AFF3: variants seen among roughly 807,000 people sequenced by gnomAD.
AFF3 encodes ALF transcription elongation factor 3.
Under a neutral mutation model 129.7 loss-of-function variants are expected in AFF3, and 32 were observed. The observed-to-expected ratio is 0.25, with a 90% CI of 0.19 to 0.33. The LOEUF (loss-of-function observed/expected upper bound fraction) is 0.33, where lower values mean the gene tolerates loss of function less well. Ranked by LOEUF, AFF3 falls within the 10% of genes least tolerant of loss-of-function variation. The probability of loss-of-function intolerance (pLI) is 1.00; values close to 1 mark genes in which losing one functional copy is unlikely to be tolerated. For synonymous variants in AFF3, 644 were observed against 635.4 expected (o/e 1.01, Z -0.20); for missense variants, 1,373 against 1,592.0 (o/e 0.86, Z 2.34).
chr2:99,989,030 T>A lies in AFF3; in HGVS notation c.873+17602A>T, dbSNP rs560769885. Among the ~76,000 whole-genome samples the A allele has an allele frequency of 6.6e-5, 10 of 152,264 alleles. No individual in the cohort carries two copies. In the South Asian group the frequency reaches 1.7e-3, roughly 25 times the overall value. On this transcript the variant is annotated intron_variant, in intron 7 of 24. Transcript: ENST00000672756. ...AAAGGAATTCACAACGGATTAGATA[T>A]GGAATGATGGGAGCAAACCAAAGAG...
At chr2:99,735,775 G>C (rs1255409376) in intron 10 of AFF3, among the ~76,000 whole-genome samples, 1 of 152,202 alleles carries the variant, frequency 6.6e-6, no homozygotes, top group Admixed American at 6.5e-5. Context: ...TTACAGGCGT[G>C]AGCCACTGCA....
chr2:99,885,411 G>A (rs1423462790), intron 7 of AFF3, among the ~76,000 whole-genome samples: 2 of 152,144 alleles, frequency 1.3e-5, no homozygotes, highest in African/African-American at 4.8e-5. Flanking sequence ...CCTGAGAGCA[G>A]GAATTGTGTT....
chr2:99,765,434 G>C (rs6542891), intron 8 of AFF3, among the ~76,000 whole-genome samples: 120,195 of 152,226 alleles, frequency 0.79, 47,790 homozygotes, highest in East Asian at 0.91. Flanking sequence ...GGGTAGAAGA[G>C]ATCGGGCTTG....
Position 99,644,355 on chromosome 2 carries a change from C to CT in AFF3, c.1184+5270dup, listed in dbSNP as rs962651703. 2.7e-4 allele frequency among the ~76,000 whole-genome samples: 40 copies of CT among 149,196 alleles called. 1 individual carries two copies. The highest frequency in any genetic ancestry group is 8.8e-4 in the African/African-American group (36 of 41,022). ...TTGGCTTTTTTGCTCGTTCCTCTCTCTTTTTTTTTAAGTCAAGCATAATTT... is the reference window on the plus strand; with the variant it reads ...TTGGCTTTTTTGCTCGTTCCTCTCTCTTTTTTTTTTAAGTCAAGCATAATTT... On this transcript the variant is annotated intron_variant, in intron 13 of 24. Transcript: ENST00000672756.
At chr2:100,000,044 A>G (rs1681235181) in intron 7 of AFF3, among the ~76,000 whole-genome samples, 1 of 152,090 alleles carries the variant, frequency 6.6e-6, no homozygotes, top group African/African-American at 2.4e-5. Flanking sequence ...CACCAGGGAG[A>G]CTCCATTTTC....
intron 7 of AFF3, among the ~76,000 whole-genome samples, chr2:99,964,327 A>AT (rs537243664): frequency 1.4e-4 from 21 of 152,296 alleles, no homozygotes; most frequent in Non-Finnish European, 2.8e-4. Context: ...CATGGAACGA[A>AT]TGTTCATCAT....
At chr2:99,910,579 C>A (rs1212918254) in intron 7 of AFF3, among the ~76,000 whole-genome samples, 1 of 152,184 alleles carries the variant, frequency 6.6e-6, no homozygotes, top group Non-Finnish European at 1.5e-5. Context: ...ATAGTGCAAA[C>A]AGGAATAACA....
At chr2:99,850,983 G>C (rs1690101119) in intron 7 of AFF3, among the ~76,000 whole-genome samples, 2 of 152,134 alleles carry the variant, frequency 1.3e-5, no homozygotes, top group Non-Finnish European at 2.9e-5. Context: ...ATTCAGTTCT[G>C]TATGCTTCTA....
intron 2 of AFF3, among the ~76,000 whole-genome samples, chr2:100,116,360 T>C (rs1285783792): frequency 1.3e-5 from 2 of 152,166 alleles, no homozygotes; most frequent in Non-Finnish European, 2.9e-5. Context: ...ATTACATTTA[T>C]ATTGGGCTGT....
intron 4 of AFF3, among the ~76,000 whole-genome samples, chr2:100,092,730 C>G (rs1203039567): frequency 1.3e-5 from 2 of 151,932 alleles, no homozygotes; most frequent in African/African-American, 2.4e-5. Context: ...CTGCCATATC[C>G]CTACCCCGCT....
intron 7 of AFF3, among the ~76,000 whole-genome samples, chr2:99,849,654 A>G (rs1477002740): frequency 6.6e-6 from 1 of 152,238 alleles, no homozygotes; most frequent in Non-Finnish European, 1.5e-5. Context: ...ATTTTATTTT[A>G]GAATTACATA....
intron 7 of AFF3, among the ~76,000 whole-genome samples, chr2:99,867,216 G>T (rs1246270551): frequency 6.6e-6 from 1 of 151,922 alleles, no homozygotes; most frequent in Non-Finnish European, 1.5e-5. Flanking sequence ...AAGACAAAAG[G>T]TGAGAAAATT....
chr2:99,892,279 CATTT>C (rs1693628359), intron 7 of AFF3, among the ~76,000 whole-genome samples: 1 of 152,146 alleles, frequency 6.6e-6, no homozygotes. Flanking sequence ...TTCATTGTTA[CATTT>C]AGTTTTCATT....
intron 7 of AFF3, among the ~76,000 whole-genome samples, chr2:99,937,904 T>C (rs1304728149): frequency 2.6e-5 from 4 of 152,232 alleles, no homozygotes; most frequent in Non-Finnish European, 5.9e-5. Flanking sequence ...CAGTCGTTGA[T>C]GTATTTCCAG....
In AFF3 at chr2:99,737,051, T is replaced by C. The variant is rs1198081768; in HGVS notation, c.1039+7053A>G. On this transcript the variant is annotated intron_variant, in intron 10 of 24. Coordinates refer to ENST00000672756, the MANE Select transcript of AFF3 (RefSeq NM_001386135.1). ...TTGTAAGATGTTCTCCACATTTAGT[T>C]TGTAGGTTAAATACCTTTTAGTATA... 1.3e-5 allele frequency among the ~76,000 whole-genome samples: 2 copies of C among 152,214 alleles called. 1 individual carries two copies. Among genetic ancestry groups the C allele is most frequent in the African/African-American group, 4.8e-5 (2 of 41,432 alleles).
At chr2:99,839,091 T>A (rs1453674808) in intron 7 of AFF3, among the ~76,000 whole-genome samples, 1 of 152,170 alleles carries the variant, frequency 6.6e-6, no homozygotes, top group Non-Finnish European at 1.5e-5. Flanking sequence ...CACACAGAGT[T>A]ACCATATGGT....
intron 13 of AFF3, among the ~76,000 whole-genome samples, chr2:99,617,428 G>A (rs1371373603): frequency 1.3e-5 from 2 of 152,154 alleles, no homozygotes; most frequent in Non-Finnish European, 2.9e-5. Flanking sequence ...ATCTTTTCAT[G>A]TGCTTGTTAG....
At position 99,579,972 on chromosome 2, in the gene AFF3, G is replaced by A. The variant is rs1173434861; in HGVS notation, c.2794-1521C>T. The stretch of plus-strand genomic sequence containing the variant: ...TTTACGTGTAGCACTGTAAGGGTTA[G>A]AGTCTACTGTCATAGAAGACCAGGA... On this transcript the variant is annotated intron_variant, in intron 17 of 24. Transcript: ENST00000672756. 2.6e-5 allele frequency among the ~76,000 whole-genome samples: 4 copies of A among 152,214 alleles called. No homozygotes were observed. The East Asian group carries it at 5.8e-4, about 22-fold the overall frequency.
At chr2:99,983,809 G>C (rs566836997) in intron 7 of AFF3, among the ~76,000 whole-genome samples, 1 of 152,154 alleles carries the variant, frequency 6.6e-6, no homozygotes, top group South Asian at 2.1e-4. Context: ...TTTTCAGAAG[G>C]TTTAGAGTTT....
Sources: gnomAD v4.1 joint callset for allele counts (sites outside exome capture counted in the v4.1 genomes callset) on GRCh38, gnomAD v4.1.1 for gene constraint, MANE v1.5 for transcripts, NCBI Gene and HGNC (gene_info 2026-07-23, HGNC 2026-07-21) for gene names.